The following TOX variants were observed in gnomAD, a reference collection of about 807,000 sequenced individuals.
The protein encoded by TOX is thymocyte selection-associated high mobility group box protein TOX.
A neutral mutation model predicts 53.7 loss-of-function variants in TOX; 11 were observed. That is an observed-to-expected ratio of 0.20 (90% CI 0.13 to 0.34). The LOEUF (loss-of-function observed/expected upper bound fraction) is 0.34, where lower values mean the gene tolerates loss of function less well. TOX is among the 10% of genes least tolerant of loss of function. TOX has a pLI of 1.00. For missense variants in TOX, 570 were observed against 664.6 expected (o/e 0.86, Z 1.56); for synonymous variants, 225 against 245.3 (o/e 0.92, Z 0.77).
At position 58,821,924 on chromosome 8, in the gene TOX, G is replaced by A. The variant is rs144933978; in HGVS notation, c.1005+4898C>T. ...CTGGGATTCGAATCCAGATCCACCC[G>A]CCCCAGAGACTACAGACTCCTCAGT... On this transcript the variant is annotated intron_variant, in intron 6 of 8. Coordinates refer to ENST00000361421, the MANE Select transcript of TOX (RefSeq NM_014729.3). 2.3e-3 allele frequency among the ~76,000 whole-genome samples: 344 copies of A among 152,134 alleles called. 1 individual carries two copies. Among genetic ancestry groups the A allele is most frequent in the African/African-American group, 7.7e-3 (321 of 41,516 alleles).
intron 6 of TOX, among the ~76,000 whole-genome samples, chr8:58,819,262 C>T (rs1052543070): frequency 6.6e-6 from 1 of 152,198 alleles, no homozygotes; most frequent in Admixed American, 6.5e-5. Context: ...ACTATTTTCT[C>T]ATACATACTA....
At chr8:59,089,367 G>A (rs573161405) in intron 1 of TOX, among the ~76,000 whole-genome samples, 13 of 152,280 alleles carry the variant, frequency 8.5e-5, no homozygotes, top group African/African-American at 2.4e-4. Flanking sequence ...ACAGTGGGTT[G>A]TGAGACCATC....
intron 5 of TOX, among the ~76,000 whole-genome samples, chr8:58,830,199 T>G (rs1381808822): frequency 1.3e-5 from 2 of 152,184 alleles, no homozygotes; most frequent in East Asian, 3.8e-4. Context: ...AAAATCATAA[T>G]ACATCATTTA....
At position 58,865,827 on chromosome 8, in the gene TOX, C is replaced by CTTT. The variant is rs768072284; in HGVS notation, c.412-14025_412-14023dup. 9.1e-4 allele frequency among the ~76,000 whole-genome samples: 83 copies of CTTT among 91,320 alleles called. 7 individuals are homozygous for CTTT. Among genetic ancestry groups the CTTT allele is most frequent in the Non-Finnish European group, 1.2e-3 (54 of 45,650 alleles). 59.9% of individuals were successfully genotyped at this position (91,320 alleles called of 152,430 possible). On this transcript the variant is annotated intron_variant, in intron 3 of 8. Transcript: ENST00000361421. ...TTCTTAATTATGGTAATGACAGTGG[C>CTTT]TTTTTTTTTTTTTTTTTTTTGTCCT...
At chr8:59,069,058 T>C (rs1475121523) in intron 1 of TOX, among the ~76,000 whole-genome samples, 7 of 152,156 alleles carry the variant, frequency 4.6e-5, no homozygotes, top group African/African-American at 1.4e-4. Context: ...AGGGGGCTCC[T>C]GCGACATGGC....
At chr8:59,096,510 A>G (rs981335717) in intron 1 of TOX, among the ~76,000 whole-genome samples, 1 of 152,244 alleles carries the variant, frequency 6.6e-6, no homozygotes, top group African/African-American at 2.4e-5. Context: ...TTTAGAAACA[A>G]TTCTTAAAAT....
chr8:59,097,648 A>T (rs1345699394), intron 1 of TOX, among the ~76,000 whole-genome samples: 1 of 152,104 alleles, frequency 6.6e-6, no homozygotes, highest in Non-Finnish European at 1.5e-5. Context: ...AACTCAAATA[A>T]CTCAACAGTT....
intron 1 of TOX, among the ~76,000 whole-genome samples, chr8:59,029,284 T>A (rs1275636749): frequency 3.0e-5 from 4 of 131,764 alleles, no homozygotes; most frequent in African/African-American, 1.1e-4. Flanking sequence ...TGTACAGTAA[T>A]TAACAGCTCT....
At chr8:58,954,199 G>T (rs1192243408) in intron 2 of TOX, among the ~76,000 whole-genome samples, 1 of 152,146 alleles carries the variant, frequency 6.6e-6, no homozygotes, top group Non-Finnish European at 1.5e-5. Context: ...TCTCCAAGGA[G>T]GAGGGAGTGC....
At chr8:59,066,298 G>A (rs541624603) in intron 1 of TOX, among the ~76,000 whole-genome samples, 127 of 152,332 alleles carry the variant, frequency 8.3e-4, no homozygotes, top group African/African-American at 3.0e-3. Context: ...CAAGTAGGAA[G>A]TTTGCTACAC....
rs570106056 is a variant in TOX at position 59,015,454 on chromosome 8, T to C, written c.103-55446A>G. ...CACTATCTCTGAATAGAAATCATTC[T>C]TTTGTTATGCCCTTTGTCAAGAATA... On this transcript the variant is annotated intron_variant, in intron 1 of 8. Transcript: ENST00000361421. 1.6e-4 allele frequency among the ~76,000 whole-genome samples: 24 copies of C among 152,368 alleles called. No individual in the cohort carries two copies. The South Asian group carries it at 3.9e-3, about 25-fold the overall frequency.
chr8:58,867,035 T>C (rs949458578), intron 3 of TOX, among the ~76,000 whole-genome samples: 1 of 152,204 alleles, frequency 6.6e-6, no homozygotes, highest in Non-Finnish European at 1.5e-5. Context: ...GAGCCTATTA[T>C]AGGAGAACAA....
At position 59,077,650 on chromosome 8, in the gene TOX, G is replaced by C. The variant is rs181689660; in HGVS notation, c.102+41236C>G. 1.1e-4 allele frequency among the ~76,000 whole-genome samples: 17 copies of C among 152,298 alleles called. No individual in the cohort carries two copies. In the East Asian group the frequency reaches 2.9e-3, roughly 26 times the overall value. ...TCCTGGTGGGAGTCTGAAGGTTCCAGATAGCCTTGATGAAAAACTAAAACT... is the reference window on the plus strand; with the variant it reads ...TCCTGGTGGGAGTCTGAAGGTTCCACATAGCCTTGATGAAAAACTAAAACT... On this transcript the variant is annotated intron_variant, in intron 1 of 8. Coordinates refer to ENST00000361421, the MANE Select transcript of TOX (RefSeq NM_014729.3).
rs761034404 is a variant in TOX, at chr8:59,042,363, CT to C, written c.102+76522del. Among the ~76,000 whole-genome samples the C allele has an allele frequency of 1.7e-4, 26 of 152,312 alleles. 1 individual carries two copies. In the East Asian group the frequency reaches 4.8e-3, roughly 28 times the overall value. On this transcript the variant is annotated intron_variant, in intron 1 of 8. Coordinates refer to ENST00000361421, the MANE Select transcript of TOX (RefSeq NM_014729.3). Reference sequence around the variant, plus strand: ...ATTTCAGAGCTTACTGAATCAAAGACTTTTACAGCCAGAGGGAACTTTAGCA... The same window carrying C: ...ATTTCAGAGCTTACTGAATCAAAGACTTTACAGCCAGAGGGAACTTTAGCA...
chr8:58,953,453 A>C (rs756779257), intron 2 of TOX, among the ~76,000 whole-genome samples: 1 of 152,226 alleles, frequency 6.6e-6, no homozygotes, highest in Non-Finnish European at 1.5e-5. Flanking sequence ...AGTAATGAAG[A>C]TGTCAAGCCA....
Position 59,117,833 on chromosome 8 carries a change from T to A in TOX, c.102+1053A>T, listed in dbSNP as rs1805132732. Among the ~76,000 whole-genome samples, 1 of 152,192 alleles carries A rather than the reference T, an allele frequency of 6.6e-6. No individual in the cohort carries two copies. The highest frequency in any genetic ancestry group is 2.4e-5 in the African/African-American group (1 of 41,452). On this transcript the variant is annotated intron_variant, in intron 1 of 8. Coordinates refer to ENST00000361421, the MANE Select transcript of TOX (RefSeq NM_014729.3). This position sits in a 1 kb window ranked among gnomAD's most constrained non-coding sequence, Gnocchi z 4.6. ...CCGCCCAGCGTTTTAGAGAACTCAA[T>A]TCTCTCTGCCAACGTTCATCCAACG...
Position 59,107,050 on chromosome 8 carries a change from G to GT in TOX, c.102+11835_102+11836insA, listed in dbSNP as rs1554547187. ...TGATCTTATAAAGCAGTTTGCTGGG[G>GT]GGGGGGGGAACGTGACATTTCTAAT... On this transcript the variant is annotated intron_variant, in intron 1 of 8. Coordinates refer to ENST00000361421, the MANE Select transcript of TOX (RefSeq NM_014729.3). Among the ~76,000 whole-genome samples the GT allele has an allele frequency of 6.8e-5, 9 of 132,488 alleles. 1 individual carries two copies. The South Asian group carries it at 7.8e-4, about 12-fold the overall frequency. 86.9% of individuals were successfully genotyped at this position (132,488 alleles called of 152,430 possible). A position where few individuals can be genotyped will look rare whatever the true frequency, so the allele number is the denominator to read the frequency against.
At chr8:59,073,706 A>G (rs1804242197) in intron 1 of TOX, among the ~76,000 whole-genome samples, 1 of 152,182 alleles carries the variant, frequency 6.6e-6, no homozygotes, top group African/African-American at 2.4e-5. Flanking sequence ...TTTAATAGAA[A>G]TCAAGAGCCT....
intron 3 of TOX, among the ~76,000 whole-genome samples, chr8:58,873,958 CTTTTTTTTTTTTTTTT>C (rs1173710545): frequency 2.5e-5 from 1 of 40,128 alleles, no homozygotes; most frequent in Non-Finnish European, 3.9e-5. Flanking sequence ...TGCCAGGAAG[CTTTTTTTTTTTTTTTT>C]TTTTTTTTTT....
Sources: gnomAD v4.1 joint callset for allele counts (sites outside exome capture counted in the v4.1 genomes callset) on GRCh38, gnomAD v4.1.1 for gene constraint, Gnocchi (gnomAD v3.1) non-coding constraint, MANE v1.5 for transcripts, NCBI Gene and HGNC (gene_info 2026-07-23, HGNC 2026-07-21) for gene names.